The following C12orf56 variants were observed in gnomAD, a reference collection of about 807,000 sequenced individuals.
The protein encoded by C12orf56 is uncharacterized protein C12orf56.
In C12orf56, 71 loss-of-function variants were observed where a neutral mutation model predicts 69.9. That is an observed-to-expected ratio of 1.02 (90% CI 0.84 to 1.24). The LOEUF (loss-of-function observed/expected upper bound fraction) is 1.24, where lower values mean the gene tolerates loss of function less well. C12orf56 is among the 50% of genes most tolerant of loss of function. C12orf56 has a pLI of 0.00. For missense variants in C12orf56, 732 were observed against 738.5 expected, an observed-to-expected ratio of 0.99 and a Z score of 0.10; for synonymous variants, 276 against 274.1, an observed-to-expected ratio of 1.01 and a Z score of -0.07.
intron 1 of C12orf56, among the ~76,000 whole-genome samples, chr12:64,375,802 C>G (rs1436234152): frequency 6.6e-6 from 1 of 152,148 alleles, no homozygotes; most frequent in East Asian, 1.9e-4. Flanking sequence ...GTCATCTTCT[C>G]TTATTTTATG....
chr12:64,386,174 G>A (rs937025076), intron 1 of C12orf56, among the ~76,000 whole-genome samples: 6 of 151,886 alleles, frequency 4.0e-5, no homozygotes, highest in South Asian at 2.1e-4. Flanking sequence ...GTTGGCCACC[G>A]ACTCTTCTTC....
chr12:64,293,065 T>C (rs1477698694), intron 6 of C12orf56, among the ~76,000 whole-genome samples: 1 of 152,162 alleles, frequency 6.6e-6, no homozygotes, highest in Non-Finnish European at 1.5e-5. Context: ...TTCGCCGCTT[T>C]TTAAGCCGGT....
In C12orf56 at chr12:64,296,876, T is replaced by C. The variant is rs893697712; in HGVS notation, c.1113+6759A>G. On this transcript the variant is annotated intron_variant, in intron 6 of 12. Coordinates refer to ENST00000543942, the MANE Select transcript of C12orf56 (RefSeq NM_001170633.2). ...AGTTTGGCCCCCTTCCACCCTTTTT[T>C]TTTTTTTTGCATGCTCTTTTGCCCT... Among the ~76,000 whole-genome samples, 4 of 151,882 alleles carry C rather than the reference T, an allele frequency of 2.6e-5. 1 individual carries two copies. Among genetic ancestry groups the C allele is most frequent in the African/African-American group, 9.6e-5 (4 of 41,464 alleles).
chr12:64,309,428 C>A, intron 5 of C12orf56, among the ~76,000 whole-genome samples: 1 of 152,184 alleles, frequency 6.6e-6, no homozygotes, highest in East Asian at 1.9e-4. Context: ...ATGATGTCTT[C>A]AAGGTTCATC....
rs539778854 is a variant in C12orf56 at position 64,323,790 on chromosome 12, C to T, written c.489-4810G>A. ...CCTCCCAAAGTGCTGGTATTACAGG[C>T]GTGAGCCATCATGCCCAGCTGCAAA... On this transcript the variant is annotated intron_variant, in intron 3 of 12. Transcript: ENST00000543942. Among the ~76,000 whole-genome samples, 13 of 152,216 alleles carry T rather than the reference C, an allele frequency of 8.5e-5. No individual in the cohort carries two copies. The South Asian group carries it at 2.3e-3, about 27-fold the overall frequency.
intron 6 of C12orf56, among the ~76,000 whole-genome samples, chr12:64,297,788 A>T (rs2038386490): frequency 6.6e-6 from 1 of 152,172 alleles, no homozygotes; most frequent in African/African-American, 2.4e-5. Context: ...TCTATCACTG[A>T]TGGACATTTG....
In C12orf56 at chr12:64,312,660, A is replaced by G. The variant is rs762693662; in HGVS notation, c.968+19T>C. ...GAAAAATTCCCCATGCAACTCTATC[A>G]TACATCATCACTTCTTACCTATATG... On this transcript the variant is annotated intron_variant, in intron 5 of 12. Transcript: ENST00000543942. The G allele has an allele frequency of 6.6e-7, 1 of 1,514,414 alleles. No homozygotes were observed. The allele number at this position is 1,514,414 out of a possible 1,614,324, so 93.8% of individuals were successfully genotyped here. A position where few individuals can be genotyped will look rare whatever the true frequency, so the allele number is the denominator to read the frequency against.
chr12:64,308,442 T>C lies in C12orf56; in HGVS notation c.968+4237A>G, dbSNP rs7315010. Among the ~76,000 whole-genome samples, 802 of 152,314 alleles carry C rather than the reference T, an allele frequency of 5.3e-3. 4 individuals are homozygous for C. Among genetic ancestry groups the C allele is most frequent in the African/African-American group, 0.018 (751 of 41,552 alleles). The stretch of plus-strand genomic sequence containing the variant: ...ATTTCTTATATTTGCTTGTTATGTT[T>C]CTTAAGTCTTTCAAAAAATTTTTTT... On this transcript the variant is annotated intron_variant, in intron 5 of 12. Transcript: ENST00000543942.
intron 7 of C12orf56, among the ~76,000 whole-genome samples, chr12:64,285,508 C>G (rs1461646783): frequency 1.3e-5 from 2 of 152,002 alleles, no homozygotes; most frequent in African/African-American, 4.8e-5. Context: ...CAGGAAGAGA[C>G]CAGGCATGGT....
intron 6 of C12orf56, among the ~76,000 whole-genome samples, chr12:64,302,564 A>G (rs1353354369): frequency 3.9e-5 from 6 of 152,172 alleles, no homozygotes; most frequent in Non-Finnish European, 1.5e-5. Context: ...CCAATGCCAG[A>G]ATTAGGATAA....
chr12:64,336,447 A>G (rs2038997661), intron 2 of C12orf56, among the ~76,000 whole-genome samples: 1 of 152,116 alleles, frequency 6.6e-6, no homozygotes, highest in South Asian at 2.1e-4. Context: ...TTATTTTCGT[A>G]TGTGTTTTTA....
chr12:64,362,012 TGAGC>T (rs1192419642), intron 1 of C12orf56, among the ~76,000 whole-genome samples: 7 of 152,210 alleles, frequency 4.6e-5, no homozygotes, highest in Non-Finnish European at 1.0e-4. Flanking sequence ...ATTACAGGCA[TGAGC>T]CACCTTGCCT....
chr12:64,377,704 G>T (rs1442016230), intron 1 of C12orf56, among the ~76,000 whole-genome samples: 3 of 152,150 alleles, frequency 2.0e-5, no homozygotes, highest in Non-Finnish European at 4.4e-5. Context: ...GCTTTCAGCA[G>T]TTGATTATCT....
chr12:64,282,223 C>T (rs2038138858), intron 8 of C12orf56, among the ~76,000 whole-genome samples: 1 of 151,926 alleles, frequency 6.6e-6, no homozygotes, highest in Non-Finnish European at 1.5e-5. Context: ...ACTAGCTTGG[C>T]ATGGTGTATT....
At chr12:64,313,640 T>C (rs2038652079) in intron 4 of C12orf56, among the ~76,000 whole-genome samples, 1 of 151,204 alleles carries the variant, frequency 6.6e-6, no homozygotes, top group Non-Finnish European at 1.5e-5. Flanking sequence ...TTATAGTATT[T>C]ATATATTTTT....
At chr12:64,303,884 G>T in intron 5 of C12orf56, 105 bp from the exon 6 acceptor site, 1 of 1,269,038 alleles carries the variant, frequency 7.9e-7, no homozygotes, top group Non-Finnish European at 1.1e-6. Flanking sequence ...TTACTAATGG[G>T]ATTTTAATAT....
chr12:64,309,616 T>C (rs906001435), intron 5 of C12orf56, among the ~76,000 whole-genome samples: 4 of 152,226 alleles, frequency 2.6e-5, no homozygotes, highest in African/African-American at 7.2e-5. Flanking sequence ...GTTCAAGTGA[T>C]TCTCATACCT....
chr12:64,298,318 C>T (rs1251531407), intron 6 of C12orf56, among the ~76,000 whole-genome samples: 1 of 152,110 alleles, frequency 6.6e-6, no homozygotes, highest in Non-Finnish European at 1.5e-5. Context: ...AATTTTCTCT[C>T]GTTCTGTAGG....
intron 5 of C12orf56, among the ~76,000 whole-genome samples, chr12:64,308,941 AAG>A (rs1345893268): frequency 8.5e-3 from 36 of 4,252 alleles, no homozygotes; most frequent in South Asian, 0.02. Flanking sequence ...AGAAAGAAAG[AAG>A]AAAGAAAGAA....
Sources: allele counts gnomAD v4.1 joint callset (sites outside exome capture counted in the v4.1 genomes callset), GRCh38; gene constraint gnomAD v4.1.1; transcripts MANE v1.5; gene names NCBI Gene and HGNC (gene_info 2026-07-23, HGNC 2026-07-21).